NPAS3: variants seen among roughly 807,000 people sequenced by gnomAD.
The protein encoded by NPAS3 is neuronal PAS domain protein 3, also known as neuronal PAS domain-containing protein 3.
A neutral mutation model predicts 73.1 loss-of-function variants in NPAS3; 14 were observed. That is an observed-to-expected ratio of 0.19 (90% confidence interval 0.13 to 0.30). The LOEUF (loss-of-function observed/expected upper bound fraction) is 0.30, where lower values mean the gene tolerates loss of function less well. Ranked by LOEUF, NPAS3 falls within the 10% of genes least tolerant of loss-of-function variation. The pLI is 1.00. For synonymous variants in NPAS3, 620 were observed against 541.5 expected (o/e 1.14, Z -2.01); for missense variants, 1,096 against 1,250.0 (o/e 0.88, Z 1.86).
intron 3 of NPAS3, among the ~76,000 whole-genome samples, chr14:33,310,213 C>G (rs1433466065): frequency 6.6e-6 from 1 of 152,004 alleles, no homozygotes; most frequent in Non-Finnish European, 1.5e-5. Flanking sequence ...GGACTTGTAT[C>G]CTTCTAATTT....
At chr14:33,469,398 A>G (rs993055997) in intron 4 of NPAS3, among the ~76,000 whole-genome samples, 4 of 152,266 alleles carry the variant, frequency 2.6e-5, no homozygotes, top group African/African-American at 7.2e-5. Flanking sequence ...TGGCAACTCT[A>G]TGAGGCAGGT....
At chr14:33,023,477 T>A (rs1305713920) in intron 1 of NPAS3, among the ~76,000 whole-genome samples, 4 of 152,218 alleles carry the variant, frequency 2.6e-5, no homozygotes, top group Non-Finnish European at 5.9e-5. Flanking sequence ...CATGTGTTGA[T>A]GCTTTCTGCT....
chr14:33,235,204 A>G (rs2139797310), intron 3 of NPAS3, among the ~76,000 whole-genome samples: 1 of 152,228 alleles, frequency 6.6e-6, no homozygotes, highest in South Asian at 2.1e-4. Flanking sequence ...TTTAAGCTTT[A>G]TTAATTTCTG....
intron 5 of NPAS3, among the ~76,000 whole-genome samples, chr14:33,647,708 C>G (rs1459414379): frequency 6.6e-6 from 1 of 152,106 alleles, no homozygotes; most frequent in African/African-American, 2.4e-5. Context: ...AGATTTGAAG[C>G]ATTCAGGGGT....
At chr14:33,018,164 G>A (rs1348118971) in intron 1 of NPAS3, among the ~76,000 whole-genome samples, 3 of 152,124 alleles carry the variant, frequency 2.0e-5, no homozygotes, top group South Asian at 2.1e-4. Flanking sequence ...AGGCACAAAC[G>A]GACTAGCTGG....
intron 5 of NPAS3, among the ~76,000 whole-genome samples, chr14:33,656,437 A>T (rs1053444746): frequency 1.3e-5 from 2 of 152,206 alleles, no homozygotes; most frequent in Non-Finnish European, 2.9e-5. Flanking sequence ...GGAGGCTTAC[A>T]GTTAGAAAGT....
intron 1 of NPAS3, among the ~76,000 whole-genome samples, chr14:32,970,272 G>A (rs570843590): frequency 1.6e-4 from 25 of 152,124 alleles, no homozygotes; most frequent in Non-Finnish European, 3.2e-4. Context: ...AATGTTTGTC[G>A]TTACAGTTTT....
At chr14:33,409,796 C>T (rs777135463) in intron 4 of NPAS3, among the ~76,000 whole-genome samples, 16 of 152,070 alleles carry the variant, frequency 1.1e-4, no homozygotes, top group South Asian at 2.1e-4. Context: ...CTAGTGACTA[C>T]GAGAATATGG....
At chr14:33,481,671 T>G (rs764715470) in intron 4 of NPAS3, among the ~76,000 whole-genome samples, 3 of 151,988 alleles carry the variant, frequency 2.0e-5, no homozygotes, top group Non-Finnish European at 2.9e-5. Context: ...AGCAAGAATC[T>G]CTGAAAAAAT....
intron 7 of NPAS3, among the ~76,000 whole-genome samples, chr14:33,740,234 A>C (rs753805695): frequency 8.5e-5 from 13 of 152,168 alleles, no homozygotes; most frequent in Admixed American, 3.9e-4. Context: ...TGTTTCCTCA[A>C]TTTTGAAGAT....
intron 6 of NPAS3, among the ~76,000 whole-genome samples, chr14:33,720,286 C>G (rs922662031): frequency 6.6e-6 from 1 of 152,114 alleles, no homozygotes; most frequent in African/African-American, 2.4e-5. Context: ...TTCACAGATT[C>G]CAACTGCGGT....
intron 1 of NPAS3, among the ~76,000 whole-genome samples, chr14:32,986,942 G>A (rs531252892): frequency 3.9e-5 from 6 of 152,250 alleles, no homozygotes; most frequent in South Asian, 4.1e-4. Flanking sequence ...GCGCTGCCCC[G>A]CGGTGCTGAG....
At chr14:33,368,760 T>C (rs1446187530) in intron 4 of NPAS3, among the ~76,000 whole-genome samples, 1 of 152,202 alleles carries the variant, frequency 6.6e-6, no homozygotes, top group African/African-American at 2.4e-5. Context: ...CATATTTCTT[T>C]CTAGATCTTC....
At chr14:33,393,694 G>A (rs1030315561) in intron 4 of NPAS3, among the ~76,000 whole-genome samples, 18 of 152,124 alleles carry the variant, frequency 1.2e-4, no homozygotes, top group African/African-American at 4.1e-4. Context: ...GTGTGGTAAT[G>A]CTGTCAGGGA....
intron 3 of NPAS3, among the ~76,000 whole-genome samples, chr14:33,260,677 C>G (rs1468400131): frequency 6.6e-6 from 1 of 152,142 alleles, no homozygotes; most frequent in South Asian, 2.1e-4. Context: ...TCACCGATAA[C>G]AGTTTTGTCC....
intron 3 of NPAS3, among the ~76,000 whole-genome samples, chr14:33,289,980 G>C (rs1266434446): frequency 6.6e-6 from 1 of 152,012 alleles, no homozygotes; most frequent in Admixed American, 6.6e-5. Flanking sequence ...GTTGTCTTTT[G>C]TACTTCTGAC....
In NPAS3 at chr14:33,563,102, T is replaced by C. The variant is rs145025321; in HGVS notation, c.558+2892T>C. On this transcript the variant is annotated intron_variant, in intron 5 of 11. Coordinates refer to ENST00000356141, the Ensembl canonical transcript of NPAS3. ...GTCATCAAAGACTTGTCCAGTGAAA[T>C]TGTTCAGGAGGACTGTGAGCATGTC... Among the ~76,000 whole-genome samples the C allele has an allele frequency of 1.2e-4, 18 of 152,312 alleles. No homozygotes were observed. In the East Asian group the frequency reaches 3.3e-3, roughly 28 times the overall value.
At chr14:33,428,211 T>C (rs770922262) in intron 4 of NPAS3, among the ~76,000 whole-genome samples, 3 of 152,130 alleles carry the variant, frequency 2.0e-5, no homozygotes, top group Non-Finnish European at 4.4e-5. Context: ...AATTTTCCCA[T>C]TCTACCACTT....
intron 1 of NPAS3, among the ~76,000 whole-genome samples, chr14:32,990,166 ATGAAAACG>A (rs2038273508): frequency 1.3e-5 from 2 of 152,346 alleles, no homozygotes; most frequent in African/African-American, 4.8e-5. Context: ...AATGTCTTCC[ATGAAAACG>A]TGAAATGGCA....
Sources: allele counts gnomAD v4.1 joint callset (sites outside exome capture counted in the v4.1 genomes callset), GRCh38; gene constraint gnomAD v4.1.1; transcripts MANE v1.5; gene names NCBI Gene and HGNC (gene_info 2026-07-23, HGNC 2026-07-21).